Variants in MAP3K6 observed in about 807,000 individuals in gnomAD.
MAP3K6 encodes apoptosis signal-regulating kinase 2.
MAP3K6 carries 105 observed loss-of-function variants against 147.1 expected under a neutral mutation model. The observed-to-expected ratio is 0.71, with a 90% CI of 0.61 to 0.84. The LOEUF (loss-of-function observed/expected upper bound fraction) is 0.84, where lower values mean the gene tolerates loss of function less well. Among genes scored for constraint, MAP3K6 ranks in the 40% least tolerant of loss-of-function variants. The pLI, the probability that MAP3K6 is intolerant of heterozygous loss-of-function variation, is 0.00. For missense variants in MAP3K6, 1,569 were observed against 1,715.0 expected (o/e 0.91, Z 1.50); for synonymous variants, 695 against 732.4 (o/e 0.95, Z 0.82).
Position 27,366,394 on chromosome 1 carries a change from C to T in MAP3K6, c.204G>A (p.Glu68=). The change falls in exon 1 of 29, where the codon GAG becomes GAA. Residue 68 remains glutamate (E), a synonymous_variant. Transcript: ENST00000357582. This position sits in a 1 kb window ranked among gnomAD's most constrained non-coding sequence, Gnocchi z 5.5. ...GLEPREGTEA[E]PLPLRCLREA... is the part of the protein sequence containing the mutation. ...CGCGCAGGCAGCGCAGGGGCAGCGG[C>T]TCCGCCTCGGTTCCCTCCCGAGGCT... 8.0e-7 allele frequency: 1 copy of T among 1,248,886 alleles called. No individual in the cohort carries two copies. Among genetic ancestry groups the T allele is most frequent in the Non-Finnish European group, 1.0e-6 (1 of 996,902 alleles). 77.4% of individuals were successfully genotyped at this position (1,248,886 alleles called of 1,614,324 possible).
chr1:27,358,303 A>T lies in MAP3K6; in HGVS notation c.2793T>A (p.Ser931Arg), dbSNP rs759226425. The T allele has an allele frequency of 6.2e-7, 1 of 1,608,748 alleles. No homozygotes were observed. Among genetic ancestry groups the T allele is most frequent in the Admixed American group, 1.7e-5 (1 of 57,824 alleles). ...APRPSDAPSA[S>R]PTPSANSTTQ... The stretch of plus-strand genomic sequence containing the variant: ...TGGTTGAGTTGGCTGAAGGAGTGGG[A>T]CTGGCAGAAGGGGCATCTGAGGGAG... The change falls in exon 21 of 29, where the codon AGT becomes AGA. Residue 931 changes from serine (S) to arginine (R), a missense_variant. Transcript: ENST00000357582. The surrounding 1 kb of genome is among the most constrained non-coding windows in gnomAD (Gnocchi z 6.2).
chr1:27,356,539 TGA>T, intron 25 of MAP3K6, 39 bp from the exon 26 acceptor site: 1 of 1,611,262 alleles, frequency 6.2e-7, no homozygotes, highest in Non-Finnish European at 8.5e-7. Context: ...CGGTGAGTGG[TGA>T]GTGGGTTGAA....
In MAP3K6 at chr1:27,358,021, C is replaced by G. The variant is rs922926667; in HGVS notation, c.2916-145G>C. 3 of 1,480,804 alleles carry G rather than the reference C, an allele frequency of 2.0e-6. No homozygotes were observed. Among genetic ancestry groups the G allele is most frequent in the Non-Finnish European group, 2.7e-6 (3 of 1,116,508 alleles). The allele number at this position is 1,480,804 out of a possible 1,614,324, so 91.7% of individuals were successfully genotyped here. The stretch of plus-strand genomic sequence containing the variant: ...TAAACCCCGCACTGAGAGGACACAA[C>G]AAGTCCAAGTTAGAGTTGCCAGAAC... On this transcript the variant is annotated intron_variant, in intron 21 of 28. Transcript: ENST00000357582. This position sits in a 1 kb window ranked among gnomAD's most constrained non-coding sequence, Gnocchi z 6.2.
At position 27,358,148 on chromosome 1, in the gene MAP3K6, A is replaced by G. The variant is rs17162550; in HGVS notation, c.2915+33T>C. On this transcript the variant is annotated intron_variant, in intron 21 of 28. Transcript: ENST00000357582. The surrounding 1 kb of genome is among the most constrained non-coding windows in gnomAD (Gnocchi z 6.2). ...AGAGGAGAAAAAGGCAAAACCAGGCAAAAGGAACCCATCCCAGGAGCCTTG... is the reference window on the plus strand; with the variant it reads ...AGAGGAGAAAAAGGCAAAACCAGGCGAAAGGAACCCATCCCAGGAGCCTTG... 3,196 of 1,548,682 alleles carry G rather than the reference A, an allele frequency of 2.1e-3. 58 individuals are homozygous for G. In the African/African-American group the frequency reaches 0.038, roughly 19 times the overall value.
In MAP3K6 at chr1:27,360,302, G is replaced by T; in HGVS notation, c.2121C>A (p.Arg707=). The T allele has an allele frequency of 6.2e-7, 1 of 1,614,106 alleles. No individual in the cohort carries two copies. Among genetic ancestry groups the T allele is most frequent in the Non-Finnish European group, 8.5e-7 (1 of 1,179,998 alleles). ...CGCCCTGGCTAGCTGAGCCCAGATA[G>T]CGCACTATGTTCTTGTGGCGCAGGC... ...HRRLRHKNIV[R]YLGSASQGGY... Residue 707 remains arginine, a synonymous_variant, in exon 16 of 29, where the codon CGC becomes CGA. Transcript: ENST00000357582. This position sits in a 1 kb window ranked among gnomAD's most constrained non-coding sequence, Gnocchi z 4.5.
rs771805215 is a variant in MAP3K6 at position 27,356,420 on chromosome 1, G to C, written c.3605C>G (p.Ala1202Gly). Reference sequence around the variant, plus strand: ...CTCTGGGGCCAGGACATAGGTCCGGGCTTCCTCATTCAGCCGCTGTAGAGC... The same window carrying C: ...CTCTGGGGCCAGGACATAGGTCCGGCCTTCCTCATTCAGCCGCTGTAGAGC... ...QRALQRLNEE[A>G]RTYVLAPEPP... The change falls in exon 26 of 29, where the codon GCC (alanine) becomes GGC (glycine). Residue 1202 changes from alanine to glycine, a missense_variant. Transcript: ENST00000357582. 1 of 1,613,180 alleles carries C rather than the reference G, an allele frequency of 6.2e-7. No individual in the cohort carries two copies. The highest frequency in any genetic ancestry group is 8.5e-7 in the Non-Finnish European group (1 of 1,179,758).
rs377423047 is a variant in MAP3K6, at chr1:27,362,257, G to T, written c.1256-7C>A. 132 of 1,607,376 alleles carry T rather than the reference G, an allele frequency of 8.2e-5. No individual in the cohort carries two copies. Among genetic ancestry groups the T allele is most frequent in the Admixed American group, 1.3e-4 (8 of 59,640 alleles). ...AGGCAGCCCAGCTTCATGCCTGGGG[G>T]AGAGAGGCATGGGCTCCAGTGAGTG... On this transcript the variant is annotated splice_region_variant and splice_polypyrimidine_tract_variant and intron_variant, in intron 8 of 28. Transcript: ENST00000357582.
At position 27,358,309 on chromosome 1, in the gene MAP3K6, A is replaced by C. The variant is rs34558621; in HGVS notation, c.2787T>G (p.Ser929=). 17 of 1,608,216 alleles carry C rather than the reference A, an allele frequency of 1.1e-5. No homozygotes were observed. The African/African-American group carries it at 2.3e-4, about 22-fold the overall frequency. Residue 929 remains serine, a synonymous_variant, in exon 21 of 29, where the codon TCT becomes TCG. Coordinates refer to ENST00000357582, the MANE Select transcript of MAP3K6 (RefSeq NM_004672.5). The surrounding 1 kb of genome is among the most constrained non-coding windows in gnomAD (Gnocchi z 6.2). ...AGTTGGCTGAAGGAGTGGGACTGGC[A>C]GAAGGGGCATCTGAGGGAGGGACAG... is the stretch of plus-strand genomic sequence containing the variant. ...RHAPRPSDAP[S]ASPTPSANST...
rs749448425 is a variant in MAP3K6 at position 27,355,657 on chromosome 1, C to T, written c.3788+12G>A. On this transcript the variant is annotated intron_variant, in intron 28 of 28. Transcript: ENST00000357582. ...ATATGCATGGTTCACACTTGGGGGG[C>T]CCAGGATGTACCTGATGCGGGTGTA... 1.2e-6 allele frequency: 2 copies of T among 1,613,070 alleles called. No homozygotes were observed. Among genetic ancestry groups the T allele is most frequent in the Middle Eastern group, 1.8e-4 (1 of 5,480 alleles).
At position 27,361,392 on chromosome 1, in the gene MAP3K6, T is replaced by A; in HGVS notation, c.1690A>T (p.Ile564Phe). ...ACTGGGAAGGTCCAGCTGGAGGGAA[T>A]GTCCTGCAAGAAGAAATGGGGTGTG... is the stretch of plus-strand genomic sequence containing the variant. ...LSLLEPETQD[I>F]PSSWTFPVAS... Residue 564 changes from isoleucine to phenylalanine, a missense_variant, in exon 12 of 29, where the codon ATT becomes TTT. Physicochemically the swap from Ile to Phe is conservative, Grantham distance 21 (BLOSUM62 0). Transcript: ENST00000357582. 6.2e-7 allele frequency: 1 copy of A among 1,613,746 alleles called. No individual in the cohort carries two copies. The highest frequency in any genetic ancestry group is 8.5e-7 in the Non-Finnish European group (1 of 1,179,936).
rs146787983 is a variant in MAP3K6, at chr1:27,358,820, G to A, written c.2472C>T (p.Arg824=). 46 of 1,608,946 alleles carry A rather than the reference G, an allele frequency of 2.9e-5. No individual in the cohort carries two copies. Among genetic ancestry groups the A allele is most frequent in the African/African-American group, 9.3e-5 (7 of 74,888 alleles). ...MAPEIIDQGP[R]GYGKAADIWS... Reference sequence around the variant, plus strand: ...AGATGTCAGCTGCTTTCCCATACCCGCGTGGGCCCTGGTCAATGATTTCTG... The same window carrying A: ...AGATGTCAGCTGCTTTCCCATACCCACGTGGGCCCTGGTCAATGATTTCTG... The change falls in exon 19 of 29, where the codon CGC becomes CGT. Residue 824 remains arginine (R), a synonymous_variant. Transcript: ENST00000357582. This position sits in a 1 kb window ranked among gnomAD's most constrained non-coding sequence, Gnocchi z 6.2.
At chr1:27,363,072 T>C (rs779502486) in intron 6 of MAP3K6, 51 bp from the exon 7 acceptor site, 5 of 1,523,810 alleles carry the variant, frequency 3.3e-6, no homozygotes, top group Non-Finnish European at 8.9e-7. Flanking sequence ...GCCTACTCTG[T>C]CCAGGGACCT....
Position 27,359,362 on chromosome 1 carries a change from A to C in MAP3K6, c.2425+55T>G. 6.2e-7 allele frequency: 1 copy of C among 1,612,666 alleles called. No individual in the cohort carries two copies. The highest frequency in any genetic ancestry group is 8.5e-7 in the Non-Finnish European group (1 of 1,179,060). ...AAACCCCCTTCCCTGGAAAGTTCCAAGAGATCTTCTGCCCCAGGTCAGCAT... is the reference window on the plus strand; with the variant it reads ...AAACCCCCTTCCCTGGAAAGTTCCACGAGATCTTCTGCCCCAGGTCAGCAT... On this transcript the variant is annotated intron_variant, in intron 18 of 28. Coordinates refer to ENST00000357582, the MANE Select transcript of MAP3K6 (RefSeq NM_004672.5). This position sits in a 1 kb window ranked among gnomAD's most constrained non-coding sequence, Gnocchi z 4.4.
chr1:27,359,973 C>T lies in MAP3K6; in HGVS notation c.2204G>A (p.Arg735Gln), dbSNP rs758682383. ...GTCCTTCAGGGGTCCCCACACCGAC[C>T]GCAGCAAGGAGGACAGGCTGCCTGG... The part of the protein sequence containing the change: ...VPGGSLSSLL[R>Q]SVWGPLKDNE... Residue 735 changes from arginine (R) to glutamine (Q), a missense_variant, in exon 17 of 29, where the codon CGG becomes CAG. By Grantham distance (43) the Arg-to-Gln change is conservative. Transcript: ENST00000357582. This position sits in a 1 kb window ranked among gnomAD's most constrained non-coding sequence, Gnocchi z 4.4. 22 of 1,613,934 alleles carry T rather than the reference C, an allele frequency of 1.4e-5. No homozygotes were observed. In the Middle Eastern group the frequency reaches 2.3e-3, roughly 169 times the overall value.
rs375574293 is a variant in MAP3K6, at chr1:27,358,706, C to T, written c.2583+3G>A. 73 of 1,613,768 alleles carry T rather than the reference C, an allele frequency of 4.5e-5. No individual in the cohort carries two copies. The African/African-American group carries it at 8.5e-4, about 19-fold the overall frequency. On this transcript the variant is annotated splice_donor_region_variant and intron_variant, in intron 19 of 28. Transcript: ENST00000357582. This position sits in a 1 kb window ranked among gnomAD's most constrained non-coding sequence, Gnocchi z 6.2. ...CCATGGGCCAGGCCCAAAGAGGTCT[C>T]ACCTGAAACATGGCAGCCTGTGGGC...
rs1265093061 is a variant in MAP3K6 at position 27,357,305 on chromosome 1, G to A, written c.3258+95C>T. On this transcript the variant is annotated intron_variant, in intron 23 of 28. Transcript: ENST00000357582. ...AGGCCTGATCTTCACAGAGGAGACA[G>A]GGAATCTGGGAACGTCAAGTCCTGG... The A allele has an allele frequency of 5.4e-6, 8 of 1,474,072 alleles. No homozygotes were observed. In the East Asian group the frequency reaches 1.8e-4, roughly 34 times the overall value. 91.3% of individuals were successfully genotyped at this position (1,474,072 alleles called of 1,614,324 possible).
In MAP3K6 at chr1:27,362,098, G is replaced by A; in HGVS notation, c.1408C>T (p.Pro470Ser). The A allele has an allele frequency of 1.2e-6, 2 of 1,610,872 alleles. No homozygotes were observed. Among genetic ancestry groups the A allele is most frequent in the Non-Finnish European group, 1.7e-6 (2 of 1,178,412 alleles). ...GCAGAGGGGGCCACCTACCATATGG[G>A]GGCATTGAGCTTATACAGCTGCTCT... ...AAEQLYKLNAPIWYLVSVMET... is the reference protein window; with the variant it reads ...AAEQLYKLNASIWYLVSVMET... The change falls in exon 9 of 29, where the codon CCC becomes TCC. Residue 470 changes from proline (P) to serine (S), a missense_variant. Physicochemically the swap from Pro to Ser is moderately conservative, Grantham distance 74. Coordinates refer to ENST00000357582, the MANE Select transcript of MAP3K6 (RefSeq NM_004672.5).
At position 27,366,203 on chromosome 1, in the gene MAP3K6, C is replaced by G; in HGVS notation, c.340+55G>C. The G allele has an allele frequency of 7.9e-7, 1 of 1,265,868 alleles. No individual in the cohort carries two copies. Among genetic ancestry groups the G allele is most frequent in the Non-Finnish European group, 9.9e-7 (1 of 1,005,258 alleles). 78.4% of individuals were successfully genotyped at this position (1,265,868 alleles called of 1,614,324 possible). ...TTGAGCCTTCGAGCCCGGCTTGGTC[C>G]CCTCCCAGGACCCTGAGTCCCGCCC... is the stretch of plus-strand genomic sequence containing the variant. On this transcript the variant is annotated intron_variant, in intron 1 of 28. Coordinates refer to ENST00000357582, the MANE Select transcript of MAP3K6 (RefSeq NM_004672.5). The surrounding 1 kb of genome is among the most constrained non-coding windows in gnomAD (Gnocchi z 5.5).
In MAP3K6 at chr1:27,360,028, C is replaced by T. The variant is rs775342334; in HGVS notation, c.2183-34G>A. On this transcript the variant is annotated intron_variant, in intron 16 of 28. Transcript: ENST00000357582. The surrounding 1 kb of genome is among the most constrained non-coding windows in gnomAD (Gnocchi z 4.5). The stretch of plus-strand genomic sequence containing the variant: ...GGACAGTCCAAGTTCATTCTTCCCA[C>T]CCACTGGCTCCAGCCCACATCTCTC... 3.7e-6 allele frequency: 6 copies of T among 1,612,406 alleles called. No individual in the cohort carries two copies. The highest frequency in any genetic ancestry group is 4.2e-6 in the Non-Finnish European group (5 of 1,179,198).
Sources: allele counts gnomAD v4.1 joint callset, GRCh38; gene constraint gnomAD v4.1.1; non-coding constraint Gnocchi (gnomAD v3.1); transcripts MANE v1.5; gene names NCBI Gene and HGNC (gene_info 2026-07-23, HGNC 2026-07-21).